The following RPA1 variants were observed in gnomAD, a reference collection of about 807,000 sequenced individuals.
RPA1 encodes the protein replication protein A 70 kDa DNA-binding subunit.
In RPA1, 49 loss-of-function variants were observed where a neutral mutation model predicts 83.0. The observed-to-expected ratio is 0.59, with a 90% CI of 0.47 to 0.75. RPA1 has a LOEUF of 0.75. Ranked by LOEUF, RPA1 falls within the 30% of genes least tolerant of loss-of-function variation. The pLI is 0.00. For synonymous variants in RPA1, 279 were observed against 281.8 expected, an observed-to-expected ratio of 0.99 and a Z score of 0.10; for missense variants, 693 against 776.1, an observed-to-expected ratio of 0.89 and a Z score of 1.27.
intron 5 of RPA1, among the ~76,000 whole-genome samples, chr17:1,867,389 T>A (rs1913215892): frequency 2.6e-5 from 4 of 152,084 alleles, no homozygotes; most frequent in African/African-American, 9.7e-5. Context: ...TTGGACATTT[T>A]CTGTTTTGGG....
intron 6 of RPA1, among the ~76,000 whole-genome samples, chr17:1,873,596 T>C (rs1426529923): frequency 1.3e-5 from 2 of 152,140 alleles, no homozygotes; most frequent in Non-Finnish European, 1.5e-5. Flanking sequence ...GTTTTTAATC[T>C]ACCTTGCACG....
At chr17:1,872,677 G>A in intron 6 of RPA1, 151 bp downstream of exon 6, 2 of 771,074 alleles carry the variant, frequency 2.6e-6, no homozygotes, top group Non-Finnish European at 3.7e-6. Flanking sequence ...ATATTTTAGA[G>A]TATGTGATTG....
chr17:1,859,495 ATATAATT>A (rs1265040138), intron 5 of RPA1, among the ~76,000 whole-genome samples: 1 of 152,176 alleles, frequency 6.6e-6, no homozygotes, highest in Admixed American at 6.5e-5. Flanking sequence ...TTAAATATCT[ATATAATT>A]TAGAATTCTT....
intron 13 of RPA1, among the ~76,000 whole-genome samples, chr17:1,887,934 A>T (rs1271737936): frequency 6.6e-6 from 1 of 152,134 alleles, no homozygotes; most frequent in East Asian, 1.9e-4. Flanking sequence ...ATCTTGCAAG[A>T]ATTACTGTCT....
rs749898262 is a variant in RPA1 at position 1,872,431 on chromosome 17, C to T, written c.362-3C>T. On this transcript the variant is annotated splice_polypyrimidine_tract_variant and splice_region_variant and intron_variant, in intron 5 of 16. Coordinates refer to ENST00000254719, the MANE Select transcript of RPA1 (RefSeq NM_002945.5). ...AAAACGGGGTTTCCCTTTTGATCTT[C>T]AGGACTCGGGCAGCCGCAAGTAGCT... 1 of 1,613,766 alleles carries T rather than the reference C, an allele frequency of 6.2e-7. No homozygotes were observed. Among genetic ancestry groups the T allele is most frequent in the Non-Finnish European group, 8.5e-7 (1 of 1,179,964 alleles).
intron 4 of RPA1, among the ~76,000 whole-genome samples, chr17:1,852,849 A>G (rs1212662193): frequency 6.6e-6 from 1 of 152,220 alleles, no homozygotes; most frequent in African/African-American, 2.4e-5. Flanking sequence ...AATTCTTACC[A>G]TGTCGGTTGG....
chr17:1,833,084 A>G (rs1046234839), intron 1 of RPA1, among the ~76,000 whole-genome samples: 7 of 151,534 alleles, frequency 4.6e-5, no homozygotes, highest in Admixed American at 2.6e-4. Flanking sequence ...CCACCACCAC[A>G]CCCTGCTAAT....
intron 13 of RPA1, among the ~76,000 whole-genome samples, chr17:1,887,770 T>C (rs1914049410): frequency 6.6e-6 from 1 of 151,952 alleles, no homozygotes; most frequent in African/African-American, 2.4e-5. Context: ...ACGCCTGTAG[T>C]CCCAGCTACT....
chr17:1,831,937 C>T lies in RPA1; in HGVS notation c.33+1811C>T, dbSNP rs561870552. Among the ~76,000 whole-genome samples, 580 of 92,300 alleles carry T rather than the reference C, an allele frequency of 6.3e-3. 9 individuals are homozygous for T. The highest frequency in any genetic ancestry group is 0.025 in the African/African-American group (557 of 22,282). The allele number at this position is 92,300 out of a possible 152,430, so 60.6% of individuals were successfully genotyped here. On this transcript the variant is annotated intron_variant, in intron 1 of 16. Coordinates refer to ENST00000254719, the MANE Select transcript of RPA1 (RefSeq NM_002945.5). ...TTTTTTTTTTTTTGAGGCAGAGTCT[C>T]ACTCTTTCTCCCCATACCCCCCCAC...
At position 1,897,141 on chromosome 17, in the gene RPA1, T is replaced by A. The variant is rs760108746; in HGVS notation, c.1817T>A (p.Leu606Gln). ...PVDYREYGRR[L>Q]VMSIRRSALM ...GACTACAGAGAGTATGGCCGAAGGC[T>A]GGTCATGAGCATCAGGAGAAGTGCA... The change falls in exon 17 of 17, where the codon CTG becomes CAG. Residue 606 changes from leucine to glutamine, a missense_variant. Leu to Gln is a moderately radical substitution (Grantham distance 113, BLOSUM62 -2). Coordinates refer to ENST00000254719, the MANE Select transcript of RPA1 (RefSeq NM_002945.5). The A allele has an allele frequency of 1.9e-6, 3 of 1,564,084 alleles. No homozygotes were observed. The South Asian group carries it at 3.5e-5, about 18-fold the overall frequency.
At chr17:1,834,996 C>T (rs1040734014) in intron 1 of RPA1, among the ~76,000 whole-genome samples, 13 of 152,032 alleles carry the variant, frequency 8.6e-5, no homozygotes, top group African/African-American at 2.7e-4. Context: ...CGATTACAGA[C>T]GTGCGCCACC....
chr17:1,887,806 T>G (rs1294505907), intron 13 of RPA1, among the ~76,000 whole-genome samples: 1 of 151,786 alleles, frequency 6.6e-6, no homozygotes, highest in African/African-American at 2.4e-5. Context: ...GGAGAATCAC[T>G]TGAACCTGGG....
intron 4 of RPA1, among the ~76,000 whole-genome samples, chr17:1,845,667 A>G (rs1305256093): frequency 1.3e-5 from 2 of 152,316 alleles, no homozygotes; most frequent in East Asian, 3.9e-4. Context: ...GCAGTGGCTC[A>G]CACCTGTCAT....
chr17:1,862,772 A>T (rs1275113143), intron 5 of RPA1, among the ~76,000 whole-genome samples: 2 of 112,902 alleles, frequency 1.8e-5, no homozygotes, highest in African/African-American at 7.2e-5. Context: ...CCCAGGCTGG[A>T]GTGCACTGGA....
rs185192183 is a variant in RPA1, at chr17:1,839,418, C to T, written c.34-3385C>T. ...TCGGCTCACTGCAACCTCCACCTCT[C>T]GGGTTCAAGCGATTCTCCTACCTCA... On this transcript the variant is annotated intron_variant, in intron 1 of 16. Coordinates refer to ENST00000254719, the MANE Select transcript of RPA1 (RefSeq NM_002945.5). Among the ~76,000 whole-genome samples, 730 of 150,308 alleles carry T rather than the reference C, an allele frequency of 4.9e-3. 2 individuals carry two copies. Among genetic ancestry groups the T allele is most frequent in the African/African-American group, 0.017 (696 of 40,818 alleles).
intron 11 of RPA1, 31 bp downstream of exon 11, chr17:1,879,730 A>C: frequency 6.2e-7 from 1 of 1,613,496 alleles, no homozygotes; most frequent in Non-Finnish European, 8.5e-7. Flanking sequence ...TTCAACACGC[A>C]CAGGACCTCC....
At chr17:1,860,694 G>A (rs769485974) in intron 5 of RPA1, among the ~76,000 whole-genome samples, 1 of 152,062 alleles carries the variant, frequency 6.6e-6, no homozygotes. Context: ...TGTTAGGTCC[G>A]GATTTGTTTC....
intron 5 of RPA1, among the ~76,000 whole-genome samples, chr17:1,867,928 T>C (rs575434322): frequency 1.3e-5 from 2 of 150,796 alleles, no homozygotes; most frequent in South Asian, 2.1e-4. Context: ...CAAAAAAAAA[T>C]ACAAAAAATA....
chr17:1,837,453 G>C (rs1474687226), intron 1 of RPA1, among the ~76,000 whole-genome samples: 2 of 152,120 alleles, frequency 1.3e-5, no homozygotes, highest in African/African-American at 4.8e-5. Context: ...AACTCTTTTT[G>C]TGGAAATATG....
Sources: gnomAD v4.1 joint callset for allele counts (sites outside exome capture counted in the v4.1 genomes callset) on GRCh38, gnomAD v4.1.1 for gene constraint, MANE v1.5 for transcripts, NCBI Gene and HGNC (gene_info 2026-07-23, HGNC 2026-07-21) for gene names.